The following SPAG16 variants were observed in gnomAD, a reference collection of about 807,000 sequenced individuals.
SPAG16 encodes sperm associated antigen 16.
SPAG16 carries 86 observed loss-of-function variants against 80.4 expected under a neutral mutation model. That is an observed-to-expected ratio of 1.07 (90% CI 0.90 to 1.28). The LOEUF is 1.28. Ranked by LOEUF, SPAG16 falls within the 50% of genes most tolerant of loss-of-function variation. The probability of loss-of-function intolerance (pLI) is 0.00; values close to 1 mark genes in which losing one functional copy is unlikely to be tolerated. For synonymous variants in SPAG16, 294 were observed against 265.9 expected (o/e 1.11, Z -1.03); for missense variants, 870 against 765.3 (o/e 1.14, Z -1.61).
rs2071742904 is a variant in SPAG16 at position 213,805,983 on chromosome 2, T to G, written c.1071-56502T>G. Among the ~76,000 whole-genome samples, 7 of 152,338 alleles carry G rather than the reference T, an allele frequency of 4.6e-5. No homozygotes were observed. In the South Asian group the frequency reaches 1.4e-3, roughly 32 times the overall value. ...TTTAGATATAATGGTTATTAATTCTTGAAAATTAGATATGCTGGAAATCGC... is the reference window on the plus strand; with the variant it reads ...TTTAGATATAATGGTTATTAATTCTGGAAAATTAGATATGCTGGAAATCGC... On this transcript the variant is annotated intron_variant, in intron 10 of 15. Coordinates refer to ENST00000331683, the MANE Select transcript of SPAG16 (RefSeq NM_024532.5).
intron 15 of SPAG16, among the ~76,000 whole-genome samples, chr2:214,338,913 A>G (rs989272902): frequency 2.6e-5 from 4 of 152,208 alleles, no homozygotes; most frequent in Non-Finnish European, 4.4e-5. Flanking sequence ...TCAGCTATGT[A>G]TTTTGACACT....
chr2:213,919,818 C>G (rs1194703175), intron 11 of SPAG16, among the ~76,000 whole-genome samples: 2 of 152,032 alleles, frequency 1.3e-5, no homozygotes, highest in African/African-American at 4.8e-5. Flanking sequence ...CCTTTTGATC[C>G]AGTGCTCAGT....
chr2:213,366,691 G>A (rs549785414), intron 8 of SPAG16, among the ~76,000 whole-genome samples: 9 of 152,148 alleles, frequency 5.9e-5, no homozygotes, highest in Non-Finnish European at 1.3e-4. Context: ...TACAATTCAA[G>A]ATGAGATTTG....
rs543244014 is a variant in SPAG16, at chr2:214,160,485, C to CT, written c.1720+11227dup. On this transcript the variant is annotated intron_variant, in intron 15 of 15. Coordinates refer to ENST00000331683, the MANE Select transcript of SPAG16 (RefSeq NM_024532.5). ...TTTCTCTGTAATCATTTTTATCATC[C>CT]TTTTTTTTCTTTTTCATCAGGTACA... Among the ~76,000 whole-genome samples, 22 of 151,644 alleles carry CT rather than the reference C, an allele frequency of 1.5e-4. No homozygotes were observed. The South Asian group carries it at 2.3e-3, about 16-fold the overall frequency.
chr2:213,811,743 G>C (rs982136411), intron 10 of SPAG16, among the ~76,000 whole-genome samples: 2 of 152,090 alleles, frequency 1.3e-5, no homozygotes, highest in African/African-American at 4.8e-5. Context: ...AATTATTTTT[G>C]CTGGTATAAT....
At position 213,493,788 on chromosome 2, in the gene SPAG16, T is replaced by A. The variant is rs760174595; in HGVS notation, c.1070+3698T>A. Among the ~76,000 whole-genome samples the A allele has an allele frequency of 2.6e-5, 4 of 151,996 alleles. No individual in the cohort carries two copies. In the South Asian group the frequency reaches 8.3e-4, roughly 32 times the overall value. On this transcript the variant is annotated intron_variant, in intron 10 of 15. Transcript: ENST00000331683. ...ACAGGGTTTCACCATTGTGGCCAAG[T>A]TGTTTAAAAATTTTTTTTTCTTATC...
At chr2:214,253,891 G>A (rs1451107818) in intron 15 of SPAG16, among the ~76,000 whole-genome samples, 1 of 152,036 alleles carries the variant, frequency 6.6e-6, no homozygotes, top group African/African-American at 2.4e-5. Context: ...AATTACTTTG[G>A]GCAATATGGC....
chr2:213,756,761 C>T (rs1206700235), intron 10 of SPAG16, among the ~76,000 whole-genome samples: 3 of 52,692 alleles, frequency 5.7e-5, no homozygotes, highest in African/African-American at 1.1e-4. Flanking sequence ...TAAAAAGACA[C>T]TCAAATAGTT....
At chr2:213,782,878 T>C (rs920044491) in intron 10 of SPAG16, among the ~76,000 whole-genome samples, 1 of 152,162 alleles carries the variant, frequency 6.6e-6, no homozygotes, top group Admixed American at 6.5e-5. Flanking sequence ...ATTATCTCAT[T>C]TAACTCTGGG....
intron 15 of SPAG16, among the ~76,000 whole-genome samples, chr2:214,218,758 T>G (rs1379297923): frequency 6.6e-6 from 1 of 152,188 alleles, no homozygotes; most frequent in East Asian, 1.9e-4. Flanking sequence ...TCATGTCACT[T>G]TGTTGAGGCA....
At chr2:213,580,624 G>A (rs1234420410) in intron 10 of SPAG16, among the ~76,000 whole-genome samples, 1 of 151,990 alleles carries the variant, frequency 6.6e-6, no homozygotes, top group Non-Finnish European at 1.5e-5. Context: ...CCTTGCCTGA[G>A]TGCATGTTGT....
chr2:214,088,121 T>C (rs1178092730), intron 13 of SPAG16, among the ~76,000 whole-genome samples: 2 of 152,090 alleles, frequency 1.3e-5, no homozygotes, highest in East Asian at 3.8e-4. Context: ...GGAATCGCTA[T>C]GTGGAAGATT....
At chr2:214,400,262 A>G (rs932487500) in intron 15 of SPAG16, among the ~76,000 whole-genome samples, 1 of 152,006 alleles carries the variant, frequency 6.6e-6, no homozygotes, top group Non-Finnish European at 1.5e-5. Flanking sequence ...TGGAGAATCA[A>G]AGAACTGCCT....
intron 15 of SPAG16, among the ~76,000 whole-genome samples, chr2:214,298,583 T>A (rs1694321507): frequency 6.6e-6 from 1 of 151,944 alleles, no homozygotes; most frequent in Non-Finnish European, 1.5e-5. Flanking sequence ...AGGAACAGAG[T>A]CTTGTGACAA....
intron 10 of SPAG16, among the ~76,000 whole-genome samples, chr2:213,837,329 C>T (rs1344437564): frequency 6.6e-6 from 1 of 152,064 alleles, no homozygotes; most frequent in Non-Finnish European, 1.5e-5. Context: ...TTGTTATGTC[C>T]CAACACATGT....
intron 2 of SPAG16, chr2:213,297,055 T>G (rs1202519193): frequency 7.2e-7 from 1 of 1,391,966 alleles, no homozygotes; most frequent in Non-Finnish European, 9.4e-7. Context: ...AATCCTGAAT[T>G]TATTAGAAGT....
At chr2:213,403,810 G>A (rs1482738631) in intron 9 of SPAG16, among the ~76,000 whole-genome samples, 20 of 152,054 alleles carry the variant, frequency 1.3e-4, no homozygotes, top group African/African-American at 4.3e-4. Flanking sequence ...AGAAAACCTC[G>A]TCGTCTCAGC....
At chr2:214,197,440 A>G (rs1042374476) in intron 15 of SPAG16, among the ~76,000 whole-genome samples, 1 of 151,960 alleles carries the variant, frequency 6.6e-6, no homozygotes, top group Non-Finnish European at 1.5e-5. Flanking sequence ...ATAGTCTACA[A>G]TATGAATGGA....
chr2:213,353,199 C>T (rs1309063493), intron 7 of SPAG16, among the ~76,000 whole-genome samples: 1 of 152,166 alleles, frequency 6.6e-6, no homozygotes, highest in Non-Finnish European at 1.5e-5. Flanking sequence ...GTATGTGAAC[C>T]CAACACACCT....
Sources: gnomAD v4.1 joint callset for allele counts (sites outside exome capture counted in the v4.1 genomes callset) on GRCh38, gnomAD v4.1.1 for gene constraint, MANE v1.5 for transcripts, NCBI Gene and HGNC (gene_info 2026-07-23, HGNC 2026-07-21) for gene names.